The following TENM3 variants were observed in gnomAD, a reference collection of about 807,000 sequenced individuals.
TENM3 encodes the protein teneurin-3.
TENM3 carries 63 observed loss-of-function variants against 255.1 expected under a neutral mutation model. The observed-to-expected ratio is 0.25, with a 90% CI of 0.20 to 0.30. The LOEUF is 0.30. Ranked by LOEUF, TENM3 falls within the 10% of genes least tolerant of loss-of-function variation. The probability of loss-of-function intolerance (pLI) is 1.00; values close to 1 mark genes in which losing one functional copy is unlikely to be tolerated. For missense variants in TENM3, 2,929 were observed against 3,461.1 expected (o/e 0.85, Z 3.86); for synonymous variants, 1,306 against 1,322.3 (o/e 0.99, Z 0.27).
At chr4:181,681,059 A>C in the TENM3 span, among the ~76,000 whole-genome samples, 1 of 152,046 alleles carries the variant, frequency 6.6e-6, no homozygotes, top group African/African-American at 2.4e-5. Context: ...ATATTTATAC[A>C]TTCTTTTAGC....
At chr4:182,128,675 A>T in the TENM3 span, among the ~76,000 whole-genome samples, 1 of 152,250 alleles carries the variant, frequency 6.6e-6, no homozygotes, top group African/African-American at 2.4e-5. Flanking sequence ...GAACGAAGTT[A>T]GTAAATTTGA....
In TENM3 at chr4:182,799,816, T is replaced by C. The variant is rs1476688127; in HGVS notation, c.7565T>C (p.Ile2522Thr). The change falls in exon 28 of 28, where the codon ATC becomes ACC. Residue 2522 changes from isoleucine to threonine, a missense_variant. Ile to Thr is a moderately conservative substitution (Grantham distance 89). Coordinates refer to ENST00000511685, the MANE Select transcript of TENM3 (RefSeq NM_001080477.4). The surrounding 1 kb of genome is among the most constrained non-coding windows in gnomAD (Gnocchi z 4.2). ...NVLNIANEDCIKVAAVLNNAF... is the reference protein window; with the variant it reads ...NVLNIANEDCTKVAAVLNNAF... Reference sequence around the variant, plus strand: ...CTCAACATCGCCAACGAGGACTGCATCAAGGTGGCGGCCGTGCTCAACAAC... The same window carrying C: ...CTCAACATCGCCAACGAGGACTGCACCAAGGTGGCGGCCGTGCTCAACAAC... 6 of 1,609,254 alleles carry C rather than the reference T, an allele frequency of 3.7e-6. No individual in the cohort carries two copies. The highest frequency in any genetic ancestry group is 5.1e-6 in the Non-Finnish European group (6 of 1,178,168).
At chr4:182,784,939 C>A (rs1765509850) in intron 24 of TENM3, among the ~76,000 whole-genome samples, 1 of 152,150 alleles carries the variant, frequency 6.6e-6, no homozygotes, top group Admixed American at 6.5e-5. Flanking sequence ...CACCCACTGA[C>A]CTGCGCCCAC....
the TENM3 span, among the ~76,000 whole-genome samples, chr4:181,679,654 A>G: frequency 6.6e-6 from 1 of 152,138 alleles, no homozygotes; most frequent in Admixed American, 6.6e-5. Flanking sequence ...CTCCTGAGGG[A>G]ATATATATGA....
At chr4:182,131,806 T>C in the TENM3 span, among the ~76,000 whole-genome samples, 11 of 152,342 alleles carry the variant, frequency 7.2e-5, no homozygotes, top group South Asian at 2.3e-3. Flanking sequence ...ACCATTATTA[T>C]CTGCCATTCA....
At chr4:181,558,482 C>T in the TENM3 span, among the ~76,000 whole-genome samples, 29 of 152,260 alleles carry the variant, frequency 1.9e-4, no homozygotes, top group African/African-American at 5.8e-4. Flanking sequence ...CTATTCAATA[C>T]GGGATTATAA....
intron 3 of TENM3, among the ~76,000 whole-genome samples, chr4:182,579,518 AGAG>A (rs1745277237): frequency 6.6e-6 from 1 of 152,222 alleles, no homozygotes; most frequent in Non-Finnish European, 1.5e-5. Flanking sequence ...TAGTTGAGAA[AGAG>A]GAGGAGATCT....
chr4:181,454,636 T>C, the TENM3 span, among the ~76,000 whole-genome samples: 4 of 137,136 alleles, frequency 2.9e-5, no homozygotes, highest in South Asian at 9.4e-4. Flanking sequence ...TTTTATACCA[T>C]TTTTTTCTGG....
chr4:181,735,133 T>C, the TENM3 span, among the ~76,000 whole-genome samples: 4 of 152,086 alleles, frequency 2.6e-5, no homozygotes, highest in Admixed American at 6.6e-5. Context: ...CTACTATTTT[T>C]CATCACTGTG....
At chr4:181,945,038 T>G in the TENM3 span, among the ~76,000 whole-genome samples, 1 of 152,116 alleles carries the variant, frequency 6.6e-6, no homozygotes, top group Non-Finnish European at 1.5e-5. Flanking sequence ...CACATCTATT[T>G]GCCCACCACG....
the TENM3 span, among the ~76,000 whole-genome samples, chr4:181,952,050 T>G: frequency 6.6e-6 from 1 of 152,260 alleles, no homozygotes; most frequent in Admixed American, 6.5e-5. Context: ...TTAGACTTTT[T>G]AAAGAACTGT....
the TENM3 span, among the ~76,000 whole-genome samples, chr4:181,768,287 T>G: frequency 1.3e-5 from 2 of 152,284 alleles, no homozygotes; most frequent in African/African-American, 4.8e-5. Flanking sequence ...TGCTACTGAT[T>G]CTAGTGAGTA....
chr4:182,159,106 T>C (rs1411985255), intron 1 of TENM3, among the ~76,000 whole-genome samples: 1 of 152,214 alleles, frequency 6.6e-6, no homozygotes, highest in Non-Finnish European at 1.5e-5. Flanking sequence ...TTTGTAACGA[T>C]GGCTGGTGGT....
At chr4:182,785,032 G>A (rs1408577350) in intron 24 of TENM3, among the ~76,000 whole-genome samples, 2 of 152,184 alleles carry the variant, frequency 1.3e-5, no homozygotes, top group Non-Finnish European at 2.9e-5. Flanking sequence ...CTCATGCTGG[G>A]AGCTGTAGAC....
In TENM3 at chr4:182,679,761, C is replaced by T. The variant is rs368461634; in HGVS notation, c.1422C>T (p.Ser474=). ...ETERAGRQAR[S]VSLHEAGFIQ... ...AGAGAGCCGGGCGGCAGGCGAGATC[C>T]GTCAGCCTTCATGAGGCCGGCTTTA... The change falls in exon 8 of 28, where the codon TCC becomes TCT. Residue 474 remains serine (S), a synonymous_variant. Coordinates refer to ENST00000511685, the MANE Select transcript of TENM3 (RefSeq NM_001080477.4). 2.1e-5 allele frequency: 34 copies of T among 1,613,846 alleles called. No homozygotes were observed. The highest frequency in any genetic ancestry group is 1.5e-4 in the South Asian group (14 of 91,082).
At chr4:182,784,759 T>C (rs111587991) in intron 24 of TENM3, among the ~76,000 whole-genome samples, 32,431 of 150,474 alleles carry the variant, frequency 0.22, 6,285 homozygotes, top group African/African-American at 0.51. Flanking sequence ...TCTCCTGGTG[T>C]GCCGTTTTTT....
the TENM3 span, among the ~76,000 whole-genome samples, chr4:181,716,691 T>C: frequency 2.0e-5 from 3 of 152,312 alleles, no homozygotes; most frequent in Admixed American, 6.5e-5. Context: ...TGAGATAACA[T>C]GTATAAAATA....
At chr4:181,528,908 T>C in the TENM3 span, among the ~76,000 whole-genome samples, 1 of 152,204 alleles carries the variant, frequency 6.6e-6, no homozygotes, top group African/African-American at 2.4e-5. Context: ...CACGTGTATA[T>C]ACACACACAT....
chr4:182,728,569 G>C (rs1055218863), intron 13 of TENM3, among the ~76,000 whole-genome samples: 1 of 152,138 alleles, frequency 6.6e-6, no homozygotes, highest in Admixed American at 6.5e-5. Flanking sequence ...ATTTCATCAT[G>C]GTAGAGCATC....
Sources: gnomAD v4.1 joint callset for allele counts (sites outside exome capture counted in the v4.1 genomes callset) on GRCh38, gnomAD v4.1.1 for gene constraint, Gnocchi (gnomAD v3.1) non-coding constraint, MANE v1.5 for transcripts, NCBI Gene and HGNC (gene_info 2026-07-23, HGNC 2026-07-21) for gene names.